FAM120A: variants seen among roughly 807,000 people sequenced by gnomAD.
FAM120A encodes constitutive coactivator of PPAR-gamma-like protein 1.
In FAM120A, 15 loss-of-function variants were observed where a neutral mutation model predicts 109.7. The ratio of observed to expected loss-of-function variants is 0.14; its 90% CI spans 0.09 to 0.21. The LOEUF (loss-of-function observed/expected upper bound fraction) is 0.21, where lower values mean the gene tolerates loss of function less well. FAM120A is among the 10% of genes least tolerant of loss of function. FAM120A has a pLI of 1.00. For missense variants in FAM120A, 899 were observed against 1,439.3 expected, an observed-to-expected ratio of 0.62 and a Z score of 6.07; for synonymous variants, 493 against 572.8, an observed-to-expected ratio of 0.86 and a Z score of 1.99.
rs533707822 is a variant in FAM120A at position 93,509,539 on chromosome 9, A to T, written c.1031-6128A>T. ...GTTTTTTGCTACTATAATGATTTTT[A>T]AAAAAATTTTATTTTCATGAGGTAT... On this transcript the variant is annotated intron_variant, in intron 5 of 17. Coordinates refer to ENST00000277165, the MANE Select transcript of FAM120A (RefSeq NM_014612.5). Among the ~76,000 whole-genome samples, 414 of 152,346 alleles carry T rather than the reference A, an allele frequency of 2.7e-3. 1 individual carries two copies. The highest frequency in any genetic ancestry group is 8.3e-3 in the African/African-American group (347 of 41,578).
chr9:93,557,412 G>A (rs10124517), intron 13 of FAM120A, among the ~76,000 whole-genome samples: 19,299 of 152,174 alleles, frequency 0.13, 2,707 homozygotes, highest in African/African-American at 0.35. Flanking sequence ...TTACAGGCGT[G>A]AGCTGTTGCA....
chr9:93,539,296 C>T (rs773428413), intron 10 of FAM120A, among the ~76,000 whole-genome samples: 1 of 151,540 alleles, frequency 6.6e-6, no homozygotes, highest in African/African-American at 2.4e-5. Flanking sequence ...CGCGCCTGGC[C>T]GCCCTAGAGT....
Position 93,498,362 on chromosome 9 carries a change from C to A in FAM120A, c.934-428C>A, listed in dbSNP as rs1859661730. Among the ~76,000 whole-genome samples, 1 of 152,210 alleles carries A rather than the reference C, an allele frequency of 6.6e-6. No individual in the cohort carries two copies. The highest frequency in any genetic ancestry group is 6.5e-5 in the Admixed American group (1 of 15,284). ...GAGCGGAGATCATGCCACCGCACTC[C>A]AGCCTGGGTGAAAGAGCGAAACTCC... On this transcript the variant is annotated intron_variant, in intron 4 of 17. Transcript: ENST00000277165. The surrounding 1 kb of genome is among the most constrained non-coding windows in gnomAD (Gnocchi z 4.4).
chr9:93,527,335 C>A, intron 8 of FAM120A, 93 bp downstream of exon 8: 1 of 914,874 alleles, frequency 1.1e-6, no homozygotes, highest in Non-Finnish European at 1.7e-6. Flanking sequence ...TAATATCTCT[C>A]TCTTTTAATC....
chr9:93,557,988 G>A lies in FAM120A; in HGVS notation c.2646G>A (p.Gln882=). ...ACTTTGGGCCTGTCCCACCCTCTCA[G>A]GGCAGGGGCAGAGGCTTTGCAGGTG... is the stretch of plus-strand genomic sequence containing the variant. ...PRHFGPVPPS[Q]GRGRGFAGVC... The change falls in exon 14 of 18, where the codon CAG becomes CAA. Residue 882 remains glutamine, a synonymous_variant. Coordinates refer to ENST00000277165, the MANE Select transcript of FAM120A (RefSeq NM_014612.5). 6.3e-7 allele frequency: 1 copy of A among 1,599,082 alleles called. No individual in the cohort carries two copies. Among genetic ancestry groups the A allele is most frequent in the Non-Finnish European group, 8.5e-7 (1 of 1,178,666 alleles).
chr9:93,466,881 T>C (rs1361383948), intron 1 of FAM120A, among the ~76,000 whole-genome samples: 1 of 152,192 alleles, frequency 6.6e-6, no homozygotes, highest in East Asian at 1.9e-4. Flanking sequence ...TTAACCCTAG[T>C]GTTCCTGCAA....
rs140353272 is a variant in FAM120A at position 93,516,110 on chromosome 9, A to G, written c.1259A>G (p.Asn420Ser). The change falls in exon 7 of 18, where the codon AAC becomes AGC. Residue 420 changes from asparagine (N) to serine (S), a missense_variant. This residue lies in a region of FAM120A where 30 missense variants were observed against 32.5 expected (regional missense o/e 0.92). Transcript: ENST00000277165. Reference sequence around the variant, plus strand: ...CTGACGGAGCAGAACAGCTACAGCAACATTCCTCACGAAGGGAAGCACACG... The same window carrying G: ...CTGACGGAGCAGAACAGCTACAGCAGCATTCCTCACGAAGGGAAGCACACG... ...KNLTEQNSYS[N>S]IPHEGKHTPL... 26 of 1,613,568 alleles carry G rather than the reference A, an allele frequency of 1.6e-5. No homozygotes were observed. Among genetic ancestry groups the G allele is most frequent in the Middle Eastern group, 3.3e-4 (2 of 6,078 alleles).
Position 93,504,934 on chromosome 9 carries a change from A to G in FAM120A, c.1030+6048A>G, listed in dbSNP as rs559959593. Among the ~76,000 whole-genome samples the G allele has an allele frequency of 2.6e-5, 4 of 151,592 alleles. No homozygotes were observed. The South Asian group carries it at 8.3e-4, about 32-fold the overall frequency. On this transcript the variant is annotated intron_variant, in intron 5 of 17. Transcript: ENST00000277165. ...TTTGGTCTAGTGATTATGAAACTAT[A>G]TCCTGTAAAGGTTTCAGTTGCATTT...
chr9:93,535,666 G>C (rs1861488369), intron 10 of FAM120A, among the ~76,000 whole-genome samples: 2 of 152,278 alleles, frequency 1.3e-5, no homozygotes, highest in African/African-American at 2.4e-5. Flanking sequence ...CTTGTTTCAT[G>C]CGTTAGTTAC....
intron 5 of FAM120A, among the ~76,000 whole-genome samples, chr9:93,501,036 C>A (rs1425371604): frequency 6.6e-6 from 1 of 152,162 alleles, no homozygotes; most frequent in East Asian, 1.9e-4. Context: ...TGTCATTATT[C>A]TTCTCATTGG....
At chr9:93,529,606 G>A in intron 9 of FAM120A, 26 bp downstream of exon 9, 2 of 1,606,192 alleles carry the variant, frequency 1.2e-6, no homozygotes, top group African/African-American at 1.3e-5. Context: ...CCCTGGAGTG[G>A]CTTCTGTTAT....
At position 93,529,277 on chromosome 9, in the gene FAM120A, A is replaced by G. The variant is rs1861221849; in HGVS notation, c.1507-76A>G. On this transcript the variant is annotated intron_variant, in intron 8 of 17. Coordinates refer to ENST00000277165, the MANE Select transcript of FAM120A (RefSeq NM_014612.5). ...TCCCCTCCGTGTCTGTCAGGTGAACAGGCACCTACCATACTTTAAATGAAT... is the reference window on the plus strand; with the variant it reads ...TCCCCTCCGTGTCTGTCAGGTGAACGGGCACCTACCATACTTTAAATGAAT... 5 of 1,310,538 alleles carry G rather than the reference A, an allele frequency of 3.8e-6. No homozygotes were observed. In the East Asian group the frequency reaches 7.3e-5, roughly 19 times the overall value. The allele number at this position is 1,310,538 out of a possible 1,614,324, so 81.2% of individuals were successfully genotyped here. A position where few individuals can be genotyped will look rare whatever the true frequency, so the allele number is the denominator to read the frequency against.
At chr9:93,481,875 AGGGCCAGGCTGGGTCCT>A (rs1246013491) in intron 3 of FAM120A, among the ~76,000 whole-genome samples, 1 of 152,066 alleles carries the variant, frequency 6.6e-6, no homozygotes, top group Admixed American at 6.6e-5. Context: ...TGGTTATCCT[AGGGCCAGGCTGGGTCCT>A]GGGCCAGGCT....
At chr9:93,462,068 C>A (rs1857817985) in intron 1 of FAM120A, among the ~76,000 whole-genome samples, 1 of 152,198 alleles carries the variant, frequency 6.6e-6, no homozygotes, top group Admixed American at 6.5e-5. Flanking sequence ...CAAACTATTA[C>A]ATACATCCTA....
intron 1 of FAM120A, among the ~76,000 whole-genome samples, chr9:93,458,681 A>G (rs1025563013): frequency 1.7e-4 from 26 of 152,222 alleles, no homozygotes; most frequent in African/African-American, 6.0e-4. Flanking sequence ...TGAAAAATAG[A>G]ATGCAAGGCA....
intron 11 of FAM120A, among the ~76,000 whole-genome samples, chr9:93,544,052 A>G (rs1861798864): frequency 6.6e-6 from 1 of 152,246 alleles, no homozygotes; most frequent in Non-Finnish European, 1.5e-5. Context: ...TTGTTGACCA[A>G]CACATTAGTG....
At chr9:93,531,063 A>T (rs1293157025) in intron 9 of FAM120A, 1 of 152,242 alleles carries the variant, frequency 6.6e-6, no homozygotes, top group Non-Finnish European at 1.5e-5. Flanking sequence ...TTTTCAGTTT[A>T]TCCTATAAGC....
intron 3 of FAM120A, among the ~76,000 whole-genome samples, chr9:93,490,559 A>G (rs904805897): frequency 2.6e-5 from 4 of 152,374 alleles, no homozygotes; most frequent in African/African-American, 7.2e-5. Flanking sequence ...GGAATATTAC[A>G]TGGTAACTTC....
intron 10 of FAM120A, among the ~76,000 whole-genome samples, chr9:93,541,631 A>G (rs1433551981): frequency 6.6e-6 from 1 of 152,238 alleles, no homozygotes; most frequent in African/African-American, 2.4e-5. Flanking sequence ...CTAAACACTA[A>G]GATATTCAAA....
Sources: allele counts gnomAD v4.1 joint callset (sites outside exome capture counted in the v4.1 genomes callset), GRCh38; gene constraint gnomAD v4.1.1; regional missense constraint gnomAD v4.1.1; non-coding constraint Gnocchi (gnomAD v3.1); transcripts MANE v1.5; gene names NCBI Gene and HGNC (gene_info 2026-07-23, HGNC 2026-07-21).